Variants in MBP observed in about 807,000 individuals in gnomAD.
The protein encoded by MBP is Golli-MBP.
MBP carries 16 observed loss-of-function variants against 35.8 expected under a neutral mutation model. The observed-to-expected ratio is 0.45, with a 90% CI of 0.30 to 0.68. The LOEUF (loss-of-function observed/expected upper bound fraction) is 0.68. Among genes scored for constraint, MBP ranks in the 30% least tolerant of loss-of-function variants. The probability of loss-of-function intolerance (pLI) is 0.08; values close to 1 mark genes in which losing one functional copy is unlikely to be tolerated. For missense variants in MBP, 380 were observed against 404.7 expected (o/e 0.94, Z 0.52); for synonymous variants, 143 against 159.6 (o/e 0.90, Z 0.78).
chr18:77,042,663 T>C (rs1973065270), intron 3 of MBP, among the ~76,000 whole-genome samples: 1 of 152,190 alleles, frequency 6.6e-6, no homozygotes, highest in African/African-American at 2.4e-5. Context: ...ACGCAGCACT[T>C]ACTGTCCCTG....
At position 77,128,815 on chromosome 18, in the gene MBP, G is replaced by A. The variant is rs116239396; in HGVS notation, c.-26+3765C>T. The stretch of plus-strand genomic sequence containing the variant: ...TTTTCCCTAGAGGAGATACCTAGAA[G>A]TGGAATTGTTAGATCTTAGGATACA... On this transcript the variant is annotated intron_variant, in intron 1 of 8. Coordinates refer to ENST00000355994, the MANE Select transcript of MBP (RefSeq NM_001025101.2). 5.3e-3 allele frequency among the ~76,000 whole-genome samples: 810 copies of A among 152,310 alleles called. 9 individuals carry two copies. The highest frequency in any genetic ancestry group is 0.018 in the African/African-American group (753 of 41,562).
At chr18:77,111,161 C>T (rs1426169106) in intron 1 of MBP, among the ~76,000 whole-genome samples, 1 of 152,188 alleles carries the variant, frequency 6.6e-6, no homozygotes, top group Non-Finnish European at 1.5e-5. Flanking sequence ...GAAGACACGA[C>T]TCTGTGGGTC....
At chr18:77,050,912 C>T (rs28415261) in intron 3 of MBP, among the ~76,000 whole-genome samples, 8,915 of 152,222 alleles carry the variant, frequency 0.059, 904 homozygotes, top group African/African-American at 0.2. Context: ...ACTCTCTCAT[C>T]CTACCCGGGG....
At chr18:77,123,774 C>A (rs886392727) in intron 1 of MBP, among the ~76,000 whole-genome samples, 4 of 152,234 alleles carry the variant, frequency 2.6e-5, no homozygotes, top group African/African-American at 9.6e-5. Context: ...GGCGTCCAGC[C>A]ACCAAGGCAA....
intron 2 of MBP, among the ~76,000 whole-genome samples, chr18:77,092,433 C>G (rs1246823376): frequency 5.3e-5 from 8 of 152,226 alleles, no homozygotes. Context: ...TCAGCCGGGC[C>G]GCACTCAGCA....
intron 8 of MBP, chr18:76,980,680 A>C (rs1969140168): frequency 3.5e-6 from 2 of 572,142 alleles, no homozygotes; most frequent in African/African-American, 1.9e-5. Context: ...GTTCTGTGAG[A>C]GAGAACTGGA....
At chr18:77,133,634 C>T (rs913481445), upstream of MBP, 1 of 152,296 alleles carries the variant, frequency 6.6e-6, no homozygotes, top group African/African-American at 2.4e-5. Flanking sequence ...GACCTACACC[C>T]CCAGTCAGGG....
At chr18:76,980,495 A>G (rs752261542) in intron 8 of MBP, 24 bp from the exon 9 acceptor site, 2 of 1,605,330 alleles carry the variant, frequency 1.2e-6, no homozygotes, top group African/African-American at 1.3e-5. Flanking sequence ...GAGAGGAGTT[A>G]GGACGAGAGT....
At chr18:77,107,305 G>A (rs764771272) in intron 1 of MBP, among the ~76,000 whole-genome samples, 19 of 152,222 alleles carry the variant, frequency 1.2e-4, no homozygotes, top group African/African-American at 4.3e-4. Flanking sequence ...TCCTATCACC[G>A]GCTGTGTTCT....
chr18:77,081,765 T>TACAC (rs1471183087), intron 2 of MBP, among the ~76,000 whole-genome samples: 12 of 93,220 alleles, frequency 1.3e-4, no homozygotes, highest in African/African-American at 4.4e-4. Context: ...TATATATATA[T>TACAC]ATACACACAC....
intron 2 of MBP, among the ~76,000 whole-genome samples, chr18:77,069,968 T>C (rs1258816542): frequency 6.6e-6 from 1 of 152,164 alleles, no homozygotes; most frequent in African/African-American, 2.4e-5. Context: ...AGAAAGTACA[T>C]ACGGGCCTGG....
chr18:77,088,707 AT>A (rs917093838), intron 2 of MBP, among the ~76,000 whole-genome samples: 14 of 152,112 alleles, frequency 9.2e-5, no homozygotes, highest in African/African-American at 2.9e-4. Context: ...GGATAAAAAA[AT>A]TTTTTTTGAA....
At chr18:77,045,669 C>G (rs781747141) in intron 3 of MBP, among the ~76,000 whole-genome samples, 1 of 152,258 alleles carries the variant, frequency 6.6e-6, no homozygotes, top group African/African-American at 2.4e-5. Context: ...AAATTCCACA[C>G]TGTTCTGTAA....
chr18:76,988,305 G>A lies in MBP; in HGVS notation c.750+190C>T, dbSNP rs910790317. 40 of 1,561,264 alleles carry A rather than the reference G, an allele frequency of 2.6e-5. No individual in the cohort carries two copies. The highest frequency in any genetic ancestry group is 7.7e-5 in the Admixed American group (4 of 51,692). On this transcript the variant is annotated intron_variant, in intron 7 of 8. Transcript: ENST00000355994. The surrounding 1 kb of genome is among the most constrained non-coding windows in gnomAD (Gnocchi z 5.2). ...ACAGAAGCAAGAGACCAGACCTTCC[G>A]GAAGGGAAGACCACGTTTCATTTCC... is the stretch of plus-strand genomic sequence containing the variant.
chr18:77,051,270 A>G (rs1180839932), intron 3 of MBP, among the ~76,000 whole-genome samples: 1 of 152,218 alleles, frequency 6.6e-6, no homozygotes, highest in Non-Finnish European at 1.5e-5. Flanking sequence ...AGTGTGCCCA[A>G]ATTACGAGGT....
At chr18:76,986,851 C>A in intron 7 of MBP, 7 of 985,442 alleles carry the variant, frequency 7.1e-6, no homozygotes, top group Non-Finnish European at 8.4e-6. Context: ...TCTGCGCGGC[C>A]TTTCCTCCTT....
chr18:77,003,633 T>C (rs1368697628), intron 4 of MBP: 2 of 152,198 alleles, frequency 1.3e-5, no homozygotes, highest in African/African-American at 2.4e-5. Context: ...TTGATATAAT[T>C]TTTTTCTTGT....
At chr18:77,030,409 A>G (rs1387939987) in intron 3 of MBP, among the ~76,000 whole-genome samples, 2 of 152,218 alleles carry the variant, frequency 1.3e-5, no homozygotes, top group Non-Finnish European at 2.9e-5. Context: ...GGGAAGGGAC[A>G]GGAAGGGACG....
At chr18:77,018,249 C>A (rs1971756940) in intron 3 of MBP, among the ~76,000 whole-genome samples, 2 of 150,906 alleles carry the variant, frequency 1.3e-5, no homozygotes, top group Non-Finnish European at 3.0e-5. Context: ...TCCGTTCACC[C>A]ATCCACCCAC....
Sources: allele counts gnomAD v4.1 joint callset (sites outside exome capture counted in the v4.1 genomes callset), GRCh38; gene constraint gnomAD v4.1.1; non-coding constraint Gnocchi (gnomAD v3.1); transcripts MANE v1.5; gene names NCBI Gene and HGNC (gene_info 2026-07-23, HGNC 2026-07-21).